Variants in TPD52 observed in about 807,000 individuals in gnomAD.
The protein encoded by TPD52 is prostate and colon associated protein.
TPD52 carries 17 observed loss-of-function variants against 31.3 expected under a neutral mutation model. The observed-to-expected ratio is 0.54, with a 90% CI of 0.37 to 0.82. The LOEUF is 0.82. TPD52 is among the 40% of genes least tolerant of loss of function. TPD52 has a pLI of 0.00. For missense variants in TPD52, 212 were observed against 240.1 expected (o/e 0.88, Z 0.77); for synonymous variants, 83 against 89.6 (o/e 0.93, Z 0.42).
intron 1 of TPD52, among the ~76,000 whole-genome samples, chr8:80,131,125 A>G (rs1563648831): frequency 6.6e-6 from 1 of 152,158 alleles, no homozygotes; most frequent in Non-Finnish European, 1.5e-5. Context: ...AAGGTGACCT[A>G]AAGAGCCAGT....
intron 1 of TPD52, among the ~76,000 whole-genome samples, chr8:80,106,613 C>T (rs1052887085): frequency 1.3e-5 from 2 of 151,892 alleles, no homozygotes; most frequent in Non-Finnish European, 2.9e-5. Context: ...GCTTCGGCCT[C>T]CCAAAGTGCT....
intron 1 of TPD52, chr8:80,119,825 A>C: frequency 2.4e-6 from 1 of 412,186 alleles, no homozygotes; most frequent in Non-Finnish European, 4.7e-6. Flanking sequence ...ATTTTATATG[A>C]GTGGAGAAAA....
intron 1 of TPD52, among the ~76,000 whole-genome samples, chr8:80,129,240 T>C (rs934738382): frequency 6.6e-6 from 1 of 152,188 alleles, no homozygotes; most frequent in Non-Finnish European, 1.5e-5. Flanking sequence ...TAAAAAATAA[T>C]TGCTATTATT....
At chr8:80,087,292 C>T (rs1815883961) in intron 1 of TPD52, among the ~76,000 whole-genome samples, 1 of 152,152 alleles carries the variant, frequency 6.6e-6, no homozygotes, top group South Asian at 2.1e-4. Context: ...CTTCCTTATG[C>T]TCTCCCTCCC....
intron 1 of TPD52, among the ~76,000 whole-genome samples, chr8:80,123,970 C>T (rs1808429523): frequency 6.6e-6 from 1 of 152,100 alleles, no homozygotes; most frequent in African/African-American, 2.4e-5. Context: ...TGATTATCAG[C>T]GACAGCATGT....
rs76163902 is a variant in TPD52, at chr8:80,147,543, C to A, written c.19+23882G>T. Among the ~76,000 whole-genome samples the A allele has an allele frequency of 8.7e-3, 1,329 of 152,286 alleles. 6 individuals are homozygous for A. The highest frequency in any genetic ancestry group is 0.02 in the South Asian group (95 of 4,820). ...ATGAAAAAGAATGAACAATGAAGACCTTGTTTGAGAAAGCTAAACTATTTG... is the reference window on the plus strand; with the variant it reads ...ATGAAAAAGAATGAACAATGAAGACATTGTTTGAGAAAGCTAAACTATTTG... On this transcript the variant is annotated intron_variant, in intron 1 of 7. Transcript: ENST00000518937.
At chr8:80,135,252 T>C (rs2131105264) in intron 1 of TPD52, among the ~76,000 whole-genome samples, 1 of 152,336 alleles carries the variant, frequency 6.6e-6, no homozygotes, top group South Asian at 2.1e-4. Context: ...CAAAGCCTCC[T>C]TATTTAGAAC....
At chr8:80,113,499 T>C (rs1057084614) in intron 1 of TPD52, among the ~76,000 whole-genome samples, 3 of 152,192 alleles carry the variant, frequency 2.0e-5, no homozygotes, top group Non-Finnish European at 4.4e-5. Flanking sequence ...TGCAGCACTA[T>C]TCACAATAAC....
intron 1 of TPD52, among the ~76,000 whole-genome samples, chr8:80,157,953 A>G (rs1811085411): frequency 6.6e-6 from 1 of 152,132 alleles, no homozygotes; most frequent in Admixed American, 6.6e-5. Flanking sequence ...TAGCAAATCC[A>G]GTTATTCTCC....
In TPD52 at chr8:80,097,543, G is replaced by A. The variant is rs190158716; in HGVS notation, c.20-32950C>T. Among the ~76,000 whole-genome samples the A allele has an allele frequency of 6.4e-4, 97 of 152,290 alleles. No homozygotes were observed. In the Middle Eastern group the frequency reaches 0.017, roughly 27 times the overall value. On this transcript the variant is annotated intron_variant, in intron 1 of 7. Coordinates refer to ENST00000518937, the MANE Select transcript of TPD52 (RefSeq NM_001025253.3). ...TCTCAAGAGATCTGATTGTTTAAAA[G>A]TGTGTAACACCTCCCCACTTTGCTC...
intron 1 of TPD52, among the ~76,000 whole-genome samples, chr8:80,141,780 C>T (rs572433102): frequency 3.9e-5 from 6 of 151,946 alleles, no homozygotes; most frequent in African/African-American, 1.5e-4. Flanking sequence ...CATGGTGGTG[C>T]GGGCCTGTTG....
chr8:80,139,015 C>T (rs900033937), intron 1 of TPD52, among the ~76,000 whole-genome samples: 3 of 152,160 alleles, frequency 2.0e-5, no homozygotes, highest in East Asian at 1.9e-4. Flanking sequence ...AAGGAGCCAC[C>T]GTCTCAGCCA....
At chr8:80,150,330 G>A (rs1049911679) in intron 1 of TPD52, among the ~76,000 whole-genome samples, 1 of 152,380 alleles carries the variant, frequency 6.6e-6, no homozygotes, top group East Asian at 1.9e-4. Context: ...GTTAGCTGCA[G>A]AGGCAGGGCT....
At position 80,104,284 on chromosome 8, in the gene TPD52, T is replaced by C. The variant is rs74567602; in HGVS notation, c.20-39691A>G. Among the ~76,000 whole-genome samples the C allele has an allele frequency of 1.2e-3, 187 of 152,346 alleles. 5 individuals carry two copies. In the East Asian group the frequency reaches 0.035, roughly 28 times the overall value. ...TGGGGGTGTGGGGAGAAGGATGTTA[T>C]AGTCTCAAGTGCTTCTCATAATAGC... On this transcript the variant is annotated intron_variant, in intron 1 of 7. Coordinates refer to ENST00000518937, the MANE Select transcript of TPD52 (RefSeq NM_001025253.3).
intron 1 of TPD52, among the ~76,000 whole-genome samples, chr8:80,104,409 T>C (rs80084901): frequency 7.1e-6 from 1 of 141,750 alleles, no homozygotes; most frequent in East Asian, 2.1e-4. Context: ...CTAAACAAAA[T>C]TGTTCACCTA....
chr8:80,072,416 T>G (rs1379182363), intron 1 of TPD52, among the ~76,000 whole-genome samples: 1 of 138,648 alleles, frequency 7.2e-6, no homozygotes, highest in Non-Finnish European at 1.5e-5. Flanking sequence ...TGCGTGTATA[T>G]ACATGTACAC....
chr8:80,044,227 A>G lies in TPD52; in HGVS notation c.414-19T>C. The G allele has an allele frequency of 6.4e-7, 1 of 1,566,434 alleles. No individual in the cohort carries two copies. The highest frequency in any genetic ancestry group is 1.4e-5 in the African/African-American group (1 of 71,914). ...ACGTATACTAAGAGGCAGCATTAAA[A>G]AGAGATAGAAATAAGGTTAGTATAG... On this transcript the variant is annotated intron_variant, in intron 5 of 7. Transcript: ENST00000518937.
chr8:80,155,001 GTTT>G (rs201457391), intron 1 of TPD52, among the ~76,000 whole-genome samples: 1 of 139,472 alleles, frequency 7.2e-6, no homozygotes, highest in Non-Finnish European at 1.6e-5. Context: ...TTGGTTTTTT[GTTT>G]TTTTTTTTTT....
At chr8:80,171,234 C>G (rs1025720481) in intron 1 of TPD52, 191 bp downstream of exon 1, 1 of 748,978 alleles carries the variant, frequency 1.3e-6, no homozygotes, top group South Asian at 1.5e-5. Context: ...CATCTGCCCC[C>G]GCCAGAGCCG....
Sources: allele counts gnomAD v4.1 joint callset (sites outside exome capture counted in the v4.1 genomes callset), GRCh38; gene constraint gnomAD v4.1.1; transcripts MANE v1.5; gene names NCBI Gene and HGNC (gene_info 2026-07-23, HGNC 2026-07-21).